Variants in DNAH11 observed in about 807,000 individuals in gnomAD.
DNAH11 encodes axonemal beta dynein heavy chain 11.
In DNAH11, 442 loss-of-function variants were observed where a neutral mutation model predicts 526.0. The observed-to-expected ratio is 0.84, with a 90% CI of 0.78 to 0.91. The LOEUF (loss-of-function observed/expected upper bound fraction) is 0.91. Among genes scored for constraint, DNAH11 ranks in the 40% least tolerant of loss-of-function variants. The probability of loss-of-function intolerance (pLI) is 0.00; values close to 1 mark genes in which losing one functional copy is unlikely to be tolerated. For missense variants in DNAH11, 6,989 were observed against 5,448.7 expected (o/e 1.28, Z -8.90); for synonymous variants, 2,461 against 1,935.9 (o/e 1.27, Z -7.12).
rs760516093 is a variant in DNAH11, at chr7:21,900,098, C to T, written c.13281C>T (p.Tyr4427=). ...GACACCCGCCAAGGGAAGGTGCATA[C>T]CTCCACGGACTCTTCATGGAGGGTA... ...DYGHPPREGA[Y]LHGLFMEGAR... is the part of the protein sequence containing the mutation. The change falls in exon 81 of 82, where the codon TAC becomes TAT. Residue 4427 remains tyrosine (Y), a synonymous_variant. Coordinates refer to ENST00000409508, the MANE Select transcript of DNAH11 (RefSeq NM_001277115.2). The T allele has an allele frequency of 1.2e-6, 2 of 1,613,634 alleles. No individual in the cohort carries two copies. The highest frequency in any genetic ancestry group is 2.2e-5 in the East Asian group (1 of 44,882).
At position 21,614,594 on chromosome 7, in the gene DNAH11, A is replaced by G. The variant is rs1382500619; in HGVS notation, c.3853-520A>G. ...TATATAATTGAACCTTGATAAAGACAGTCATATGGTGATGTTTTCATACTG... is the reference window on the plus strand; with the variant it reads ...TATATAATTGAACCTTGATAAAGACGGTCATATGGTGATGTTTTCATACTG... On this transcript the variant is annotated intron_variant, in intron 20 of 81. Coordinates refer to ENST00000409508, the MANE Select transcript of DNAH11 (RefSeq NM_001277115.2). Among the ~76,000 whole-genome samples the G allele has an allele frequency of 1.3e-5, 2 of 152,184 alleles. 1 individual carries two copies. Among genetic ancestry groups the G allele is most frequent in the African/African-American group, 4.8e-5 (2 of 41,436 alleles).
At chr7:21,697,940 G>A in intron 35 of DNAH11, 135 bp from the exon 36 acceptor site, 1 of 876,772 alleles carries the variant, frequency 1.1e-6, no homozygotes, top group East Asian at 2.8e-5. Context: ...GGTCTTATTA[G>A]CTGTGATTGA....
In DNAH11 at chr7:21,686,043, AT is replaced by A. The variant is rs1356355174; in HGVS notation, c.5622-1054del. Among the ~76,000 whole-genome samples the A allele has an allele frequency of 3.3e-5, 5 of 152,222 alleles. 1 individual carries two copies. Among genetic ancestry groups the A allele is most frequent in the Admixed American group, 3.3e-4 (5 of 15,282 alleles). On this transcript the variant is annotated intron_variant, in intron 32 of 81. Coordinates refer to ENST00000409508, the MANE Select transcript of DNAH11 (RefSeq NM_001277115.2). Reference sequence around the variant, plus strand: ...AATCTCTACTACAAAAAGTACTCTGATTCCTAGTCTGGGAGCCTTTTCACTC... The same window carrying A: ...AATCTCTACTACAAAAAGTACTCTGATCCTAGTCTGGGAGCCTTTTCACTC...
intron 14 of DNAH11, among the ~76,000 whole-genome samples, chr7:21,599,573 A>G (rs1038366695): frequency 2.0e-5 from 3 of 152,156 alleles, no homozygotes; most frequent in African/African-American, 7.2e-5. Context: ...CCTTGAAACA[A>G]CTTTTGAATG....
chr7:21,690,240 C>T (rs2919228), intron 34 of DNAH11, among the ~76,000 whole-genome samples: 19,022 of 152,116 alleles, frequency 0.13, 2,052 homozygotes, highest in African/African-American at 0.28. Context: ...TATCTGAATA[C>T]TCACAGTCTG....
At position 21,601,558 on chromosome 7, in the gene DNAH11, G is replaced by T. The variant is rs375767160; in HGVS notation, c.3588G>T (p.Thr1196=). ...TDELFEPLKE[T]ITLLESYGQK... ...AACTCTTTGAACCTCTAAAAGAAAC[G>T]ATCACCCTCTTGGAAAGCTATGGCC... Residue 1196 remains threonine (T), a synonymous_variant, in exon 18 of 82, where the codon ACG becomes ACT. Transcript: ENST00000409508. 33 of 1,610,666 alleles carry T rather than the reference G, an allele frequency of 2.0e-5. No individual in the cohort carries two copies. Among genetic ancestry groups the T allele is most frequent in the Non-Finnish European group, 2.4e-5 (28 of 1,177,640 alleles).
chr7:21,620,784 A>C (rs113952591), intron 25 of DNAH11, among the ~76,000 whole-genome samples: 3,740 of 132,392 alleles, frequency 0.028, 160 homozygotes, highest in African/African-American at 0.1. Context: ...CTCATTGTTC[A>C]ATTCCCACCT....
At chr7:21,616,040 CTTTTT>C (rs1785762782) in intron 21 of DNAH11, among the ~76,000 whole-genome samples, 164 bp from the exon 22 acceptor site, 1 of 152,074 alleles carries the variant, frequency 6.6e-6, no homozygotes, top group African/African-American at 2.4e-5. Flanking sequence ...GTTCTGACAA[CTTTTT>C]TGTTTTGGTG....
At chr7:21,678,931 G>A (rs553647727) in intron 30 of DNAH11, among the ~76,000 whole-genome samples, 37 of 152,196 alleles carry the variant, frequency 2.4e-4, no homozygotes, top group South Asian at 1.2e-3. Flanking sequence ...GTGCACTCCC[G>A]TGTTCATTGC....
intron 8 of DNAH11, among the ~76,000 whole-genome samples, chr7:21,580,546 T>G (rs1784269787): frequency 6.6e-6 from 1 of 152,192 alleles, no homozygotes; most frequent in Admixed American, 6.5e-5. Context: ...CAACAGAAAT[T>G]TATTTTTCAG....
Position 21,571,844 on chromosome 7 carries a change from A to G in DNAH11, c.1464A>G (p.Glu488=). Residue 488 remains glutamate, a synonymous_variant, in exon 8 of 82, where the codon GAA becomes GAG. Coordinates refer to ENST00000409508, the MANE Select transcript of DNAH11 (RefSeq NM_001277115.2). Reference sequence around the variant, plus strand: ...CCACTTTGGAATTTGAAAAGCTGGAAAGACTGGAATTTGGTGGTACCAAAG... The same window carrying G: ...CCACTTTGGAATTTGAAAAGCTGGAGAGACTGGAATTTGGTGGTACCAAAG... ...FATTLEFEKL[E]RLEFGGTKGA... 7.4e-6 allele frequency: 12 copies of G among 1,613,178 alleles called. No individual in the cohort carries two copies. The highest frequency in any genetic ancestry group is 1.0e-5 in the Non-Finnish European group (12 of 1,179,534).
intron 65 of DNAH11, among the ~76,000 whole-genome samples, chr7:21,836,869 A>G (rs1782015223): frequency 6.6e-6 from 1 of 152,160 alleles, no homozygotes; most frequent in African/African-American, 2.4e-5. Context: ...CTTAATATCT[A>G]GAATATATAA....
chr7:21,677,120 ACTT>A (rs1562485145), intron 30 of DNAH11, among the ~76,000 whole-genome samples: 1 of 151,516 alleles, frequency 6.6e-6, no homozygotes, highest in African/African-American at 2.4e-5. Context: ...ACATTTAACT[ACTT>A]TTTAAAGATG....
intron 65 of DNAH11, among the ~76,000 whole-genome samples, chr7:21,836,432 C>A (rs1782000337): frequency 6.6e-6 from 1 of 152,018 alleles, no homozygotes; most frequent in Non-Finnish European, 1.5e-5. Flanking sequence ...ATAAAAATCC[C>A]AGAAATCACA....
intron 61 of DNAH11, among the ~76,000 whole-genome samples, chr7:21,800,571 G>T (rs1788940021): frequency 6.6e-6 from 1 of 152,184 alleles, no homozygotes; most frequent in South Asian, 2.1e-4. Context: ...GACAGAGGTT[G>T]CAGTGAGCTG....
chr7:21,797,939 A>G (rs541394634), intron 61 of DNAH11, among the ~76,000 whole-genome samples: 1 of 152,376 alleles, frequency 6.6e-6, no homozygotes, highest in South Asian at 2.1e-4. Flanking sequence ...CATATTTTAC[A>G]TGCATTAAGA....
Position 21,543,325 on chromosome 7 carries a change from T to G in DNAH11, c.80T>G (p.Leu27Arg), listed in dbSNP as rs1440762570. The change falls in exon 1 of 82, where the codon CTG (leucine) becomes CGG (arginine). Residue 27 changes from leucine (L) to arginine (R), a missense_variant. Transcript: ENST00000409508. Reference protein sequence around the residue: ...PTLRLTSGAGLEAVGAVELEE... With the variant: ...PTLRLTSGAGREAVGAVELEE... ...CTTCGCCTAACCTCGGGGGCCGGCCTGGAGGCAGTGGGCGCTGTGGAGCTC... is the reference window on the plus strand; with the variant it reads ...CTTCGCCTAACCTCGGGGGCCGGCCGGGAGGCAGTGGGCGCTGTGGAGCTC... 1.9e-6 allele frequency: 3 copies of G among 1,550,578 alleles called. No individual in the cohort carries two copies. In the South Asian group the frequency reaches 3.6e-5, roughly 18 times the overall value.
chr7:21,893,595 A>T (rs777556385), intron 77 of DNAH11, among the ~76,000 whole-genome samples: 5 of 152,240 alleles, frequency 3.3e-5, no homozygotes, highest in Non-Finnish European at 7.3e-5. Context: ...AAGGACAGGC[A>T]AAGTTCCTCC....
chr7:21,795,470 C>T (rs967196189), intron 61 of DNAH11, among the ~76,000 whole-genome samples: 9 of 152,188 alleles, frequency 5.9e-5, no homozygotes, highest in Non-Finnish European at 7.3e-5. Flanking sequence ...TCCTAACATG[C>T]GAACTCTCAT....
Sources: allele counts gnomAD v4.1 joint callset (sites outside exome capture counted in the v4.1 genomes callset), GRCh38; gene constraint gnomAD v4.1.1; transcripts MANE v1.5; gene names NCBI Gene and HGNC (gene_info 2026-07-23, HGNC 2026-07-21).